Variants in PIK3C2G observed in about 807,000 individuals in gnomAD.
The protein encoded by PIK3C2G is phosphatidylinositol-4-phosphate 3-kinase catalytic subunit type 2 gamma, also known as phosphatidylinositol 3-kinase C2 domain-containing subunit gamma.
In PIK3C2G, 168 loss-of-function variants were observed where a neutral mutation model predicts 181.1. The observed-to-expected ratio is 0.93, with a 90% confidence interval of 0.82 to 1.05. PIK3C2G has a LOEUF of 1.05. Among genes scored for constraint, PIK3C2G ranks in the 50% least tolerant of loss-of-function variants. The pLI is 0.00. For synonymous variants in PIK3C2G, 573 were observed against 592.2 expected, an observed-to-expected ratio of 0.97 and a Z score of 0.47; for missense variants, 1,869 against 1,732.8, an observed-to-expected ratio of 1.08 and a Z score of -1.40.
chr12:18,425,546 C>G (rs1945757735), intron 18 of PIK3C2G, among the ~76,000 whole-genome samples: 1 of 151,874 alleles, frequency 6.6e-6, no homozygotes, highest in Non-Finnish European at 1.5e-5. Context: ...CACACACCAC[C>G]ACGCCTGGCT....
chr12:18,491,698 C>T, intron 20 of PIK3C2G, 140 bp downstream of exon 20: 1 of 549,678 alleles, frequency 1.8e-6, no homozygotes, highest in Non-Finnish European at 3.3e-6. Flanking sequence ...AATCCATTTA[C>T]ATTGTGTTTT....
chr12:18,395,631 ATTAAT>A (rs1943837777), intron 15 of PIK3C2G, among the ~76,000 whole-genome samples: 1 of 150,894 alleles, frequency 6.6e-6, no homozygotes, highest in African/African-American at 2.4e-5. Context: ...TTACACATTT[ATTAAT>A]TTATTTAAAA....
At chr12:18,627,436 G>T (rs1949151925) in intron 31 of PIK3C2G, among the ~76,000 whole-genome samples, 1 of 151,944 alleles carries the variant, frequency 6.6e-6, no homozygotes, top group South Asian at 2.1e-4. Flanking sequence ...ATGATTCCTT[G>T]AGTTTTTGTA....
intron 1 of PIK3C2G, among the ~76,000 whole-genome samples, chr12:18,254,029 A>G (rs1452648227): frequency 6.6e-6 from 1 of 151,986 alleles, no homozygotes; most frequent in African/African-American, 2.4e-5. Context: ...AAAAAGATGC[A>G]TCCTAAGAGC....
intron 24 of PIK3C2G, among the ~76,000 whole-genome samples, chr12:18,533,652 T>A (rs1238271740): frequency 5.3e-5 from 8 of 152,146 alleles, no homozygotes; most frequent in Admixed American, 4.6e-4. Context: ...AGAACATTGA[T>A]TTTTTAAAAT....
At chr12:18,541,209 A>G (rs1391489904) in intron 25 of PIK3C2G, among the ~76,000 whole-genome samples, 1 of 151,960 alleles carries the variant, frequency 6.6e-6, no homozygotes, top group Non-Finnish European at 1.5e-5. Flanking sequence ...ATTATGGGCC[A>G]CAGACATTTG....
chr12:18,593,989 T>C (rs1947221274), intron 29 of PIK3C2G, among the ~76,000 whole-genome samples: 2 of 151,878 alleles, frequency 1.3e-5, no homozygotes, highest in Admixed American at 1.3e-4. Flanking sequence ...TAAATAATTT[T>C]ACTATGTACA....
At chr12:18,698,328 T>A in the PIK3C2G span, among the ~76,000 whole-genome samples, 7 of 151,862 alleles carry the variant, frequency 4.6e-5, no homozygotes, top group Non-Finnish European at 7.4e-5. Context: ...TTCTACTCTA[T>A]ACTACTCTAT....
chr12:18,555,907 T>G (rs1482759321), intron 26 of PIK3C2G, among the ~76,000 whole-genome samples: 1 of 152,166 alleles, frequency 6.6e-6, no homozygotes, highest in Non-Finnish European at 1.5e-5. Context: ...GGTATGCATT[T>G]AACTTCTCCT....
intron 29 of PIK3C2G, among the ~76,000 whole-genome samples, chr12:18,594,202 G>C (rs1414131001): frequency 6.6e-6 from 1 of 151,922 alleles, no homozygotes; most frequent in African/African-American, 2.4e-5. Context: ...ATGCATATTT[G>C]TAAAATTCAA....
chr12:18,449,789 G>T (rs1947248212), intron 18 of PIK3C2G, among the ~76,000 whole-genome samples: 1 of 152,108 alleles, frequency 6.6e-6, no homozygotes, highest in Non-Finnish European at 1.5e-5. Context: ...TTATAGCAGA[G>T]TGATTTGTAT....
At chr12:18,611,717 GT>G (rs1354652643) in intron 31 of PIK3C2G, among the ~76,000 whole-genome samples, 8 of 152,080 alleles carry the variant, frequency 5.3e-5, no homozygotes, top group Non-Finnish European at 1.5e-5. Context: ...AAAACCTAGA[GT>G]CATTTTGACT....
At chr12:18,672,178 C>T in the PIK3C2G span, among the ~76,000 whole-genome samples, 21 of 152,242 alleles carry the variant, frequency 1.4e-4, no homozygotes, top group African/African-American at 4.8e-4. Flanking sequence ...TAGTTTCTGA[C>T]ATTTCTCAGT....
chr12:18,721,279 G>A, the PIK3C2G span, among the ~76,000 whole-genome samples: 4 of 152,028 alleles, frequency 2.6e-5, no homozygotes, highest in Non-Finnish European at 4.4e-5. Flanking sequence ...TTTGGTGCCT[G>A]TCACATACCA....
chr12:18,437,178 A>G (rs1946496561), intron 18 of PIK3C2G, among the ~76,000 whole-genome samples: 1 of 151,874 alleles, frequency 6.6e-6, no homozygotes, highest in Non-Finnish European at 1.5e-5. Context: ...AATTTTTTGT[A>G]TCTTTGTTCA....
intron 18 of PIK3C2G, among the ~76,000 whole-genome samples, chr12:18,478,101 T>G (rs1939183278): frequency 6.6e-6 from 1 of 152,074 alleles, no homozygotes; most frequent in Non-Finnish European, 1.5e-5. Context: ...AGTAACTATA[T>G]GGGTATTTAG....
At chr12:18,713,883 A>C in the PIK3C2G span, 1 of 152,226 alleles carries the variant, frequency 6.6e-6, no homozygotes, top group African/African-American at 2.4e-5. Flanking sequence ...AGGTTCATTA[A>C]ATCAGTTGTA....
intron 31 of PIK3C2G, among the ~76,000 whole-genome samples, chr12:18,632,592 C>A (rs192573458): frequency 6.6e-6 from 1 of 152,270 alleles, no homozygotes; most frequent in East Asian, 1.9e-4. Flanking sequence ...AGCAGTCTCA[C>A]AATTGGCTGT....
chr12:18,283,085 T>G (rs936812975), intron 2 of PIK3C2G, among the ~76,000 whole-genome samples: 1 of 152,146 alleles, frequency 6.6e-6, no homozygotes, highest in Non-Finnish European at 1.5e-5. Flanking sequence ...ATATTTTCTG[T>G]TTTTTGTTTA....
Sources: gnomAD v4.1 joint callset for allele counts (sites outside exome capture counted in the v4.1 genomes callset) on GRCh38, gnomAD v4.1.1 for gene constraint, MANE v1.5 for transcripts, NCBI Gene and HGNC (gene_info 2026-07-23, HGNC 2026-07-21) for gene names.